CDC123: variants seen among roughly 807,000 people sequenced by gnomAD.
CDC123 encodes translation initiation factor eIF2 assembly protein.
CDC123 carries 37 observed loss-of-function variants against 54.4 expected under a neutral mutation model. That is an observed-to-expected ratio of 0.68 (90% CI 0.52 to 0.89). CDC123 has a LOEUF of 0.89. CDC123 is among the 40% of genes least tolerant of loss of function. The pLI is 0.00. For missense variants in CDC123, 361 were observed against 412.1 expected (o/e 0.88, Z 1.07); for synonymous variants, 144 against 136.8 (o/e 1.05, Z -0.37).
chr10:12,244,083 C>T (rs972311332), intron 10 of CDC123, among the ~76,000 whole-genome samples: 20 of 152,174 alleles, frequency 1.3e-4, no homozygotes, highest in African/African-American at 4.8e-4. Context: ...CCTGCGAAAA[C>T]ATCCTGCGAC....
chr10:12,248,966 C>T (rs1836197512), intron 11 of CDC123, among the ~76,000 whole-genome samples: 1 of 151,904 alleles, frequency 6.6e-6, no homozygotes. Context: ...CAAAAATTAG[C>T]CGGACGTGGT....
At chr10:12,231,872 G>A (rs1461805726) in intron 7 of CDC123, among the ~76,000 whole-genome samples, 1 of 151,728 alleles carries the variant, frequency 6.6e-6, no homozygotes, top group East Asian at 1.9e-4. Context: ...TTGAGATACA[G>A]TTTTGCTCTG....
intron 7 of CDC123, among the ~76,000 whole-genome samples, chr10:12,232,259 A>G (rs1036447138): frequency 1.3e-5 from 2 of 152,136 alleles, no homozygotes; most frequent in Non-Finnish European, 2.9e-5. Flanking sequence ...TGTTGCAAAG[A>G]GGATGGCCAT....
At chr10:12,200,274 G>A (rs1835424164) in intron 2 of CDC123, among the ~76,000 whole-genome samples, 1 of 151,536 alleles carries the variant, frequency 6.6e-6, no homozygotes, top group African/African-American at 2.4e-5. Flanking sequence ...CAACAGGTGT[G>A]CGCCACCACA....
chr10:12,221,749 A>AT (rs57067737), intron 6 of CDC123, among the ~76,000 whole-genome samples: 1 of 150,310 alleles, frequency 6.7e-6, no homozygotes, highest in Non-Finnish European at 1.5e-5. Context: ...TATTAAATTT[A>AT]TTTTTTAAAT....
At chr10:12,218,870 T>C (rs1485875583) in intron 6 of CDC123, among the ~76,000 whole-genome samples, 1 of 152,242 alleles carries the variant, frequency 6.6e-6, no homozygotes, top group Non-Finnish European at 1.5e-5. Context: ...CCGCAGGTGC[T>C]CTCTTTATGC....
intron 9 of CDC123, among the ~76,000 whole-genome samples, chr10:12,237,688 C>T (rs1334902774): frequency 1.3e-5 from 2 of 152,162 alleles, no homozygotes; most frequent in African/African-American, 2.4e-5. Flanking sequence ...CCCACTTCAG[C>T]CTCACAGTGT....
chr10:12,226,310 C>T (rs372028512), intron 6 of CDC123, among the ~76,000 whole-genome samples: 5 of 151,950 alleles, frequency 3.3e-5, no homozygotes, highest in Admixed American at 6.6e-5. Flanking sequence ...TGGGCAGAGG[C>T]GCCCCCCACC....
intron 11 of CDC123, chr10:12,247,824 AC>A (rs1204899365): frequency 6.6e-6 from 1 of 151,632 alleles, no homozygotes; most frequent in Non-Finnish European, 1.5e-5. Flanking sequence ...CACGGTGAAA[AC>A]CTGTCTCTAC....
rs759324048 is a variant in CDC123 at position 12,217,451 on chromosome 10, C to G, written c.424C>G (p.Arg142Gly). The change falls in exon 6 of 13, where the codon CGT becomes GGT. Residue 142 changes from arginine (R) to glycine (G), a missense_variant. Coordinates refer to ENST00000281141, the MANE Select transcript of CDC123 (RefSeq NM_006023.3). ...TTTCAAGAGTTCCGATTTCATCACT[C>G]GTGACTTCACTCAGCCGTAAGTATC... is the stretch of plus-strand genomic sequence containing the variant. ...LLFKSSDFIT[R>G]DFTQPFIHCT... 2.7e-5 allele frequency: 43 copies of G among 1,613,706 alleles called. No individual in the cohort carries two copies. The highest frequency in any genetic ancestry group is 4.0e-5 in the African/African-American group (3 of 74,916).
chr10:12,215,108 G>C (rs1037184796), intron 4 of CDC123, among the ~76,000 whole-genome samples: 1 of 152,238 alleles, frequency 6.6e-6, no homozygotes, highest in East Asian at 1.9e-4. Flanking sequence ...AACAAACACA[G>C]AACGTTTTGG....
chr10:12,231,914 C>G (rs1013440489), intron 7 of CDC123, among the ~76,000 whole-genome samples: 10 of 151,984 alleles, frequency 6.6e-5, no homozygotes, highest in Non-Finnish European at 1.3e-4. Context: ...GGCGCGATCT[C>G]AGCTCACTGA....
intron 2 of CDC123, among the ~76,000 whole-genome samples, chr10:12,200,215 C>T (rs1458639157): frequency 6.8e-6 from 1 of 146,800 alleles, no homozygotes; most frequent in Non-Finnish European, 1.5e-5. Flanking sequence ...CAATCTCTGC[C>T]TCCCAGGTTC....
chr10:12,243,825 G>A (rs986310332), intron 10 of CDC123, among the ~76,000 whole-genome samples: 4 of 151,990 alleles, frequency 2.6e-5, no homozygotes, highest in Non-Finnish European at 4.4e-5. Flanking sequence ...AGATTTGGAG[G>A]TTAGAAAATG....
At chr10:12,213,033 A>T (rs1835623140) in intron 4 of CDC123, among the ~76,000 whole-genome samples, 1 of 152,222 alleles carries the variant, frequency 6.6e-6, no homozygotes, top group Non-Finnish European at 1.5e-5. Flanking sequence ...TATAGTACTA[A>T]AGGCACTAAC....
intron 7 of CDC123, among the ~76,000 whole-genome samples, chr10:12,231,919 C>T (rs965274379): frequency 2.0e-5 from 3 of 151,994 alleles, no homozygotes; most frequent in Admixed American, 2.0e-4. Flanking sequence ...GATCTCAGCT[C>T]ACTGAAACCT....
rs138970615 is a variant in CDC123, at chr10:12,216,736, T to C, written c.334-625T>C. Among the ~76,000 whole-genome samples the C allele has an allele frequency of 6.8e-3, 1,037 of 152,296 alleles. 6 individuals carry two copies. Among genetic ancestry groups the C allele is most frequent in the Non-Finnish European group, 0.01 (714 of 68,038 alleles). ...TGTGTCTGATCTGTCTGTGGGAGAG[T>C]TGTATTTTTTAAATGACTTAATTAT... On this transcript the variant is annotated intron_variant, in intron 5 of 12. Transcript: ENST00000281141.
At chr10:12,210,172 T>C (rs1219025253) in intron 3 of CDC123, 118 bp from the exon 4 acceptor site, 5 of 1,446,358 alleles carry the variant, frequency 3.5e-6, no homozygotes, top group African/African-American at 2.8e-5. Context: ...TCACATATGC[T>C]GTATTCCGGA....
At chr10:12,234,490 G>T (rs914396318) in intron 7 of CDC123, among the ~76,000 whole-genome samples, 1 of 152,240 alleles carries the variant, frequency 6.6e-6, no homozygotes, top group Admixed American at 6.5e-5. Flanking sequence ...AAGTGCTGGG[G>T]TTATAGGCGT....
Sources: gnomAD v4.1 joint callset for allele counts (sites outside exome capture counted in the v4.1 genomes callset) on GRCh38, gnomAD v4.1.1 for gene constraint, MANE v1.5 for transcripts, NCBI Gene and HGNC (gene_info 2026-07-23, HGNC 2026-07-21) for gene names.